The following CDKAL1 variants were observed in gnomAD, a reference collection of about 807,000 sequenced individuals.
CDKAL1 encodes the protein CDKAL1 threonylcarbamoyladenosine tRNA methylthiotransferase.
Under a neutral mutation model 68.2 loss-of-function variants are expected in CDKAL1, and 32 were observed. The observed-to-expected ratio is 0.47, with a 90% CI of 0.35 to 0.63. The LOEUF (loss-of-function observed/expected upper bound fraction) is 0.63, where lower values mean the gene tolerates loss of function less well. Among genes scored for constraint, CDKAL1 ranks in the 30% least tolerant of loss-of-function variants. The probability of loss-of-function intolerance (pLI) is 0.00; values close to 1 mark genes in which losing one functional copy is unlikely to be tolerated. For synonymous variants in CDKAL1, 234 were observed against 244.3 expected, an observed-to-expected ratio of 0.96 and a Z score of 0.39; for missense variants, 606 against 696.7, an observed-to-expected ratio of 0.87 and a Z score of 1.47.
At chr6:20,667,740 C>T (rs993934398) in intron 5 of CDKAL1, among the ~76,000 whole-genome samples, 2 of 152,090 alleles carry the variant, frequency 1.3e-5, no homozygotes, top group Non-Finnish European at 1.5e-5. Flanking sequence ...GGAACAATTT[C>T]TTTCCTGTGT....
chr6:21,084,212 A>G lies in CDKAL1; in HGVS notation c.1236+18984A>G, dbSNP rs189852932. Among the ~76,000 whole-genome samples the G allele has an allele frequency of 4.6e-5, 7 of 152,302 alleles. No individual in the cohort carries two copies. The East Asian group carries it at 1.3e-3, about 29-fold the overall frequency. On this transcript the variant is annotated intron_variant, in intron 12 of 15. Coordinates refer to ENST00000274695, the MANE Select transcript of CDKAL1 (RefSeq NM_017774.3). ...AAGATTTTTCATTTCTAATAGATTA[A>G]GTTTAATCTATTCTAAATCTTTGGG...
chr6:20,651,454 G>T (rs957503770), intron 5 of CDKAL1, among the ~76,000 whole-genome samples: 13 of 152,164 alleles, frequency 8.5e-5, no homozygotes, highest in Non-Finnish European at 1.8e-4. Flanking sequence ...AAGTTTTTGG[G>T]CTGAGACGAT....
rs142384754 is a variant in CDKAL1 at position 20,912,386 on chromosome 6, C to G, written c.743-43033C>G. On this transcript the variant is annotated intron_variant, in intron 9 of 15. Coordinates refer to ENST00000274695, the MANE Select transcript of CDKAL1 (RefSeq NM_017774.3). Reference sequence around the variant, plus strand: ...TGAAATGAAGTTGGTCTCCTACTTTCAGCAGACGAGTACTTTTATGAGGGA... The same window carrying G: ...TGAAATGAAGTTGGTCTCCTACTTTGAGCAGACGAGTACTTTTATGAGGGA... Among the ~76,000 whole-genome samples, 162 of 152,266 alleles carry G rather than the reference C, an allele frequency of 1.1e-3. 1 individual carries two copies. The highest frequency in any genetic ancestry group is 3.7e-3 in the African/African-American group (153 of 41,550).
rs531320983 is a variant in CDKAL1, at chr6:20,870,375, A to G, written c.742+24197A>G. Among the ~76,000 whole-genome samples the G allele has an allele frequency of 2.0e-5, 3 of 152,342 alleles. No individual in the cohort carries two copies. The South Asian group carries it at 6.2e-4, about 32-fold the overall frequency. On this transcript the variant is annotated intron_variant, in intron 9 of 15. Transcript: ENST00000274695. ...CCCATTTACTTTGAATAACCCTACT[A>G]TAAGAGGTTAACAAAATGTATCTTA...
At chr6:20,559,278 C>G (rs1320069204) in intron 4 of CDKAL1, 1 of 152,072 alleles carries the variant, frequency 6.6e-6, no homozygotes, top group Non-Finnish European at 1.5e-5. Context: ...TGATTAGAAT[C>G]TTCACCTTCT....
intron 5 of CDKAL1, among the ~76,000 whole-genome samples, chr6:20,687,909 T>G (rs1770698922): frequency 6.6e-6 from 1 of 152,044 alleles, no homozygotes; most frequent in South Asian, 2.1e-4. Context: ...GCAAGGTAGA[T>G]CTACTGGCAA....
Position 21,224,638 on chromosome 6 carries a change from A to T in CDKAL1, c.1549-6210A>T, listed in dbSNP as rs142252175. On this transcript the variant is annotated intron_variant, in intron 15 of 15. Coordinates refer to ENST00000274695, the MANE Select transcript of CDKAL1 (RefSeq NM_017774.3). The stretch of plus-strand genomic sequence containing the variant: ...ATTGTAGAACCTGGAAAGGGCAAGG[A>T]ATCAGATTCTTCCCTGGAGCCTCCA... 9.1e-4 allele frequency among the ~76,000 whole-genome samples: 139 copies of T among 152,348 alleles called. 1 individual carries two copies. The highest frequency in any genetic ancestry group is 3.1e-3 in the African/African-American group (131 of 41,596).
chr6:21,152,330 A>C (rs1211374273), intron 13 of CDKAL1, among the ~76,000 whole-genome samples: 1 of 152,152 alleles, frequency 6.6e-6, no homozygotes, highest in Non-Finnish European at 1.5e-5. Context: ...GTAGTCTCCA[A>C]TTTAACCTGC....
At chr6:20,607,670 A>G (rs1402634514) in intron 4 of CDKAL1, among the ~76,000 whole-genome samples, 4 of 152,042 alleles carry the variant, frequency 2.6e-5, no homozygotes, top group Admixed American at 1.3e-4. Context: ...TTAAGAATGT[A>G]AAATAATGAG....
At chr6:20,535,278 A>G (rs2127640600) in intron 1 of CDKAL1, 73 bp from the exon 2 acceptor site, 1 of 152,476 alleles carries the variant, frequency 6.6e-6, no homozygotes, top group African/African-American at 2.4e-5. Flanking sequence ...ATTCCTTTTA[A>G]GTAAAGAATC....
intron 9 of CDKAL1, among the ~76,000 whole-genome samples, chr6:20,898,792 T>C (rs1346168115): frequency 1.3e-5 from 2 of 152,134 alleles, no homozygotes; most frequent in African/African-American, 2.4e-5. Flanking sequence ...TTTAAAATAA[T>C]TTTATGATTA....
Position 21,099,864 on chromosome 6 carries a change from T to A in CDKAL1, c.1237-8537T>A, listed in dbSNP as rs78618726. On this transcript the variant is annotated intron_variant, in intron 12 of 15. Transcript: ENST00000274695. ...AGGCTAATCATTTTGGCAACACTTATTACTGCAAATTAGTTAAGTCTCTTG... is the reference window on the plus strand; with the variant it reads ...AGGCTAATCATTTTGGCAACACTTAATACTGCAAATTAGTTAAGTCTCTTG... Among the ~76,000 whole-genome samples, 49 of 152,368 alleles carry A rather than the reference T, an allele frequency of 3.2e-4. No individual in the cohort carries two copies. The East Asian group carries it at 7.9e-3, about 25-fold the overall frequency.
At chr6:20,873,861 T>C (rs1760350149) in intron 9 of CDKAL1, among the ~76,000 whole-genome samples, 1 of 152,214 alleles carries the variant, frequency 6.6e-6, no homozygotes, top group African/African-American at 2.4e-5. Context: ...AGTGAGTGAT[T>C]GCAAAAAAAT....
At chr6:21,054,191 C>T (rs1223780235) in intron 11 of CDKAL1, among the ~76,000 whole-genome samples, 1 of 152,144 alleles carries the variant, frequency 6.6e-6, no homozygotes, top group Non-Finnish European at 1.5e-5. Flanking sequence ...CTGATTGTTA[C>T]AGTACCATTT....
chr6:20,783,170 T>C (rs1292874715), intron 8 of CDKAL1, among the ~76,000 whole-genome samples: 1 of 148,238 alleles, frequency 6.7e-6, no homozygotes, highest in African/African-American at 2.5e-5. Context: ...ACTCAGGCAA[T>C]CCACTTGCCT....
intron 5 of CDKAL1, among the ~76,000 whole-genome samples, chr6:20,737,930 G>C (rs1561732718): frequency 6.6e-6 from 1 of 152,180 alleles, no homozygotes; most frequent in Non-Finnish European, 1.5e-5. Flanking sequence ...TGATGTGGCT[G>C]TTCATCACAA....
intron 5 of CDKAL1, among the ~76,000 whole-genome samples, chr6:20,678,716 C>T (rs1269890208): frequency 6.6e-6 from 1 of 152,076 alleles, no homozygotes; most frequent in Non-Finnish European, 1.5e-5. Context: ...GATGTGACTA[C>T]ATTGTTTGGT....
chr6:20,965,441 G>T (rs1765261275), intron 10 of CDKAL1, among the ~76,000 whole-genome samples: 1 of 147,528 alleles, frequency 6.8e-6, no homozygotes, highest in Non-Finnish European at 1.5e-5. Context: ...GGGAGGGGAG[G>T]GGGAACATTA....
intron 6 of CDKAL1, among the ~76,000 whole-genome samples, chr6:20,739,892 T>G (rs537021718): frequency 3.3e-5 from 5 of 152,336 alleles, no homozygotes; most frequent in African/African-American, 9.6e-5. Context: ...TCTTTGGCTG[T>G]CTGTTACCAT....
Sources: allele counts gnomAD v4.1 joint callset (sites outside exome capture counted in the v4.1 genomes callset), GRCh38; gene constraint gnomAD v4.1.1; transcripts MANE v1.5; gene names NCBI Gene and HGNC (gene_info 2026-07-23, HGNC 2026-07-21).